Variants in RSPH4A observed in about 807,000 individuals in gnomAD.
RSPH4A encodes radial spoke head protein 4 homolog A.
A neutral mutation model predicts 71.0 loss-of-function variants in RSPH4A; 47 were observed. The observed-to-expected ratio is 0.66, with a 90% CI of 0.52 to 0.84. RSPH4A has a LOEUF of 0.84. RSPH4A is among the 40% of genes least tolerant of loss of function. The pLI is 0.00. For synonymous variants in RSPH4A, 282 were observed against 302.3 expected, an observed-to-expected ratio of 0.93 and a Z score of 0.70; for missense variants, 793 against 855.2, an observed-to-expected ratio of 0.93 and a Z score of 0.91.
Position 116,617,299 on chromosome 6 carries a change from G to A in RSPH4A, c.676G>A (p.Gly226Ser). The A allele has an allele frequency of 6.2e-7, 1 of 1,611,238 alleles. No homozygotes were observed. Among genetic ancestry groups the A allele is most frequent in the Non-Finnish European group, 8.5e-7 (1 of 1,178,732 alleles). The change falls in exon 1 of 6, where the codon GGC (glycine) becomes AGC (serine). Residue 226 changes from glycine (G) to serine (S), a missense_variant. Physicochemically the swap from Gly to Ser is moderately conservative, Grantham distance 56. Coordinates refer to ENST00000229554, the MANE Select transcript of RSPH4A (RefSeq NM_001010892.3). Reference sequence around the variant, plus strand: ...CCTGCTGAAGACTAGCAGCAATTCGGGCTTTAATCTGTAAGTCTCAGAGGG... The same window carrying A: ...CCTGCTGAAGACTAGCAGCAATTCGAGCTTTAATCTGTAAGTCTCAGAGGG... Reference protein sequence around the residue: ...AYLLKTSSNSGFNLYDHLSNM... With the variant: ...AYLLKTSSNSSFNLYDHLSNM...
chr6:116,630,666 T>TG (rs1389413074), intron 5 of RSPH4A, 114 bp downstream of exon 5: 13 of 427,730 alleles, frequency 3.0e-5, no homozygotes, highest in East Asian at 2.8e-4. Context: ...TTTTTTTTCG[T>TG]GTTTTTTTTT....
chr6:116,623,822 AAGAGG>A (rs1193188841), intron 2 of RSPH4A, among the ~76,000 whole-genome samples: 9 of 152,350 alleles, frequency 5.9e-5, no homozygotes, highest in Admixed American at 1.3e-4. Flanking sequence ...GATGTAATAC[AAGAGG>A]AGAGGAGTAA....
At chr6:116,620,867 T>G (rs1408537658) in intron 1 of RSPH4A, among the ~76,000 whole-genome samples, 1 of 152,144 alleles carries the variant, frequency 6.6e-6, no homozygotes, top group Non-Finnish European at 1.5e-5. Flanking sequence ...TTTCTTTTTC[T>G]TTTCTTTTTG....
intron 1 of RSPH4A, among the ~76,000 whole-genome samples, chr6:116,621,377 C>T (rs554015869): frequency 4.0e-5 from 6 of 151,564 alleles, no homozygotes; most frequent in South Asian, 4.1e-4. Flanking sequence ...TAAATAGAGA[C>T]GTTAAATGAA....
In RSPH4A at chr6:116,627,913, G is replaced by A; in HGVS notation, c.1206G>A (p.Glu402=). Residue 402 remains glutamate (E), a synonymous_variant, in exon 3 of 6, where the codon GAG becomes GAA. Transcript: ENST00000229554. The part of the protein sequence containing the change: ...DNGESEAHED[E]EDELPKSFYK... ...GAGAAAGTGAAGCTCATGAAGATGAGGAAGATGAATTACCAAAGTCCTTTT... is the reference window on the plus strand; with the variant it reads ...GAGAAAGTGAAGCTCATGAAGATGAAGAAGATGAATTACCAAAGTCCTTTT... 6.2e-7 allele frequency: 1 copy of A among 1,614,032 alleles called. No homozygotes were observed. The highest frequency in any genetic ancestry group is 1.1e-5 in the South Asian group (1 of 91,076).
chr6:116,632,709 T>G lies in RSPH4A; in HGVS notation c.*268T>G. 2.4e-6 allele frequency: 1 copy of G among 411,896 alleles called. No homozygotes were observed. The highest frequency in any genetic ancestry group is 4.5e-6 in the Non-Finnish European group (1 of 221,646). 25.5% of individuals were successfully genotyped at this position (411,896 alleles called of 1,614,324 possible). On this transcript the variant is annotated 3_prime_UTR_variant, in exon 6 of 6. Transcript: ENST00000229554. ...TCTGAGGGTTATGGATAATGGAATATGTGTTTGTACATTCCTGTTTTTAAA... is the reference window on the plus strand; with the variant it reads ...TCTGAGGGTTATGGATAATGGAATAGGTGTTTGTACATTCCTGTTTTTAAA...
At chr6:116,629,538 CT>C (rs2115364277) in intron 3 of RSPH4A, 28 bp from the exon 4 acceptor site, 1 of 1,609,660 alleles carries the variant, frequency 6.2e-7, no homozygotes, top group South Asian at 1.1e-5. Flanking sequence ...CCCCATTAGA[CT>C]ACTAAATCTT....
intron 1 of RSPH4A, among the ~76,000 whole-genome samples, chr6:116,620,738 G>C (rs548004234): frequency 2.0e-5 from 3 of 152,276 alleles, no homozygotes; most frequent in Admixed American, 6.5e-5. Flanking sequence ...TTTGGACAGA[G>C]AGTCCCTGAT....
At chr6:116,626,668 TAA>T (rs1296211312) in intron 2 of RSPH4A, among the ~76,000 whole-genome samples, 5 of 152,240 alleles carry the variant, frequency 3.3e-5, no homozygotes, top group African/African-American at 1.2e-4. Context: ...ATGGTCCATT[TAA>T]GACTCTGCTT....
Position 116,622,727 on chromosome 6 carries a change from C to T in RSPH4A, c.687-41C>T, listed in dbSNP as rs768553175. On this transcript the variant is annotated intron_variant, in intron 1 of 5. Coordinates refer to ENST00000229554, the MANE Select transcript of RSPH4A (RefSeq NM_001010892.3). ...AAAGAAAAATGCTTCTTCAAATGCTCTTGACATGTATATTATCTGGAATTT... is the reference window on the plus strand; with the variant it reads ...AAAGAAAAATGCTTCTTCAAATGCTTTTGACATGTATATTATCTGGAATTT... 52 of 1,252,502 alleles carry T rather than the reference C, an allele frequency of 4.2e-5. No homozygotes were observed. The East Asian group carries it at 1.1e-3, about 26-fold the overall frequency. 77.6% of individuals were successfully genotyped at this position (1,252,502 alleles called of 1,614,324 possible).
chr6:116,632,132 A>T (rs1395387686), intron 5 of RSPH4A, 75 bp from the exon 6 acceptor site: 1 of 1,065,122 alleles, frequency 9.4e-7, no homozygotes, highest in Non-Finnish European at 1.4e-6. Flanking sequence ...TAAGCACTTT[A>T]ATATTACAGA....
chr6:116,630,603 G>A (rs750270373), intron 5 of RSPH4A, 51 bp downstream of exon 5: 1 of 816,828 alleles, frequency 1.2e-6, no homozygotes, highest in Admixed American at 1.7e-5. Flanking sequence ...TTAAGCTCTG[G>A]AAATTATAAA....
intron 1 of RSPH4A, among the ~76,000 whole-genome samples, chr6:116,620,734 CA>C (rs1421034697): frequency 1.3e-5 from 2 of 152,092 alleles, no homozygotes; most frequent in African/African-American, 4.8e-5. Context: ...AAAATTTGGA[CA>C]GAGAGTCCCT....
rs1775827342 is a variant in RSPH4A, at chr6:116,632,670, A to G, written c.*229A>G. 2.0e-6 allele frequency: 1 copy of G among 504,362 alleles called. No homozygotes were observed. The highest frequency in any genetic ancestry group is 3.9e-5 in the East Asian group (1 of 25,698). 31.2% of individuals were successfully genotyped at this position (504,362 alleles called of 1,614,324 possible). ...ATTTTCCAGAGGCTAAATAACATGC[A>G]ATTGCATAATTGTTCTGAGGGTTAT... is the stretch of plus-strand genomic sequence containing the variant. On this transcript the variant is annotated 3_prime_UTR_variant, in exon 6 of 6. Coordinates refer to ENST00000229554, the MANE Select transcript of RSPH4A (RefSeq NM_001010892.3).
chr6:116,616,722 A>G lies in RSPH4A; in HGVS notation c.99A>G (p.Gln33=), dbSNP rs139855630. ...PWEGKTAASP[Q]YSEPESSEPL... is the part of the protein sequence containing the mutation. ...AAGGAAAGACAGCAGCTTCTCCCCA[A>G]TATTCTGAGCCTGAGTCGTCTGAGC... is the stretch of plus-strand genomic sequence containing the variant. The change falls in exon 1 of 6, where the codon CAA becomes CAG. Residue 33 remains glutamine (Q), a synonymous_variant. Coordinates refer to ENST00000229554, the MANE Select transcript of RSPH4A (RefSeq NM_001010892.3). 73 of 1,614,008 alleles carry G rather than the reference A, an allele frequency of 4.5e-5. No individual in the cohort carries two copies. The highest frequency in any genetic ancestry group is 2.7e-4 in the Admixed American group (16 of 60,002).
rs750528020 is a variant in RSPH4A, at chr6:116,628,058, C to T, written c.1351C>T (p.Gln451Ter). The change falls in exon 3 of 6, where the codon CAA (glutamine) becomes TAA (stop). Residue 451 changes from glutamine (Q) to a stop codon, truncating the protein, a stop_gained. Transcript: ENST00000229554. LOFTEE classifies it high-confidence loss of function. Reference sequence around the variant, plus strand: ...GAAGTTACCACCAGTTATACCTGCACAAATTGTTATTGCAAGAAAAATCAA... The same window carrying T: ...GAAGTTACCACCAGTTATACCTGCATAAATTGTTATTGCAAGAAAAATCAA... The part of the protein sequence containing the change: ...WVKLPPVIPA[Q>*]IVIARKIKKF... 4.5e-5 allele frequency: 72 copies of T among 1,614,046 alleles called. No individual in the cohort carries two copies. Among genetic ancestry groups the T allele is most frequent in the Non-Finnish European group, 5.9e-5 (70 of 1,180,034 alleles).
At chr6:116,631,054 A>ACAT (rs1041523962) in intron 5 of RSPH4A, among the ~76,000 whole-genome samples, 1 of 151,914 alleles carries the variant, frequency 6.6e-6, no homozygotes, top group African/African-American at 2.4e-5. Flanking sequence ...TATTAAAATA[A>ACAT]CATCTGTGAT....
intron 1 of RSPH4A, among the ~76,000 whole-genome samples, chr6:116,618,387 T>G (rs1302488500): frequency 1.3e-5 from 2 of 152,250 alleles, no homozygotes; most frequent in African/African-American, 4.8e-5. Flanking sequence ...GAGCAAGGAC[T>G]CTGAATTTTG....
Position 116,622,686 on chromosome 6 carries a change from T to C in RSPH4A, c.687-82T>C. 4.5e-6 allele frequency: 4 copies of C among 894,662 alleles called. No homozygotes were observed. In the South Asian group the frequency reaches 5.6e-5, roughly 13 times the overall value. 55.4% of individuals were successfully genotyped at this position (894,662 alleles called of 1,614,324 possible). A position where few individuals can be genotyped will look rare whatever the true frequency, so the allele number is the denominator to read the frequency against. The stretch of plus-strand genomic sequence containing the variant: ...TCATTTAACGTCTATATTTATCTAA[T>C]GACCCCAGAAATGTCAAAGAAAAAT... On this transcript the variant is annotated intron_variant, in intron 1 of 5. Transcript: ENST00000229554.
Sources: gnomAD v4.1 joint callset for allele counts (sites outside exome capture counted in the v4.1 genomes callset) on GRCh38, gnomAD v4.1.1 for gene constraint, MANE v1.5 for transcripts, NCBI Gene and HGNC (gene_info 2026-07-23, HGNC 2026-07-21) for gene names.